The following TMCC1 variants were observed in gnomAD, a reference collection of about 807,000 sequenced individuals.
TMCC1 encodes the protein transmembrane and coiled-coil domains protein 1.
TMCC1 carries 15 observed loss-of-function variants against 52.4 expected under a neutral mutation model. The ratio of observed to expected loss-of-function variants is 0.29; its 90% CI spans 0.19 to 0.44. The LOEUF is 0.44. Ranked by LOEUF, TMCC1 falls within the 20% of genes least tolerant of loss-of-function variation. The pLI is 1.00. For missense variants in TMCC1, 503 were observed against 806.0 expected (o/e 0.62, Z 4.55); for synonymous variants, 279 against 301.9 (o/e 0.92, Z 0.79).
At chr3:129,815,292 C>CCAAAG (rs2058041243) in intron 4 of TMCC1, among the ~76,000 whole-genome samples, 2 of 152,126 alleles carry the variant, frequency 1.3e-5, no homozygotes, top group South Asian at 4.2e-4. Flanking sequence ...CACTGAATAG[C>CCAAAG]CAAAGCAATC....
intron 4 of TMCC1, among the ~76,000 whole-genome samples, chr3:129,820,278 T>G (rs1029818253): frequency 6.6e-6 from 1 of 151,692 alleles, no homozygotes; most frequent in African/African-American, 2.4e-5. Flanking sequence ...AAAATAGAGA[T>G]AGTAATACTT....
In TMCC1 at chr3:129,829,610, G is replaced by A. The variant is rs115678189; in HGVS notation, c.-130-1102C>T. On this transcript the variant is annotated intron_variant, in intron 3 of 6. Coordinates refer to ENST00000393238, the MANE Select transcript of TMCC1 (RefSeq NM_001017395.5). ...ACAGAATGCAAAATATGATGTAGGA[G>A]GTTATTTCCATATTTTTCTTTAAAT... is the stretch of plus-strand genomic sequence containing the variant. Among the ~76,000 whole-genome samples the A allele has an allele frequency of 4.1e-3, 628 of 151,442 alleles. 2 individuals carry two copies. The highest frequency in any genetic ancestry group is 6.5e-3 in the Non-Finnish European group (440 of 67,802).
intron 4 of TMCC1, among the ~76,000 whole-genome samples, chr3:129,786,687 T>A (rs747098178): frequency 6.6e-6 from 1 of 152,204 alleles, no homozygotes. Flanking sequence ...ATCTCCCCAG[T>A]TATGATGAAC....
At chr3:129,862,958 T>C (rs1028458400) in intron 2 of TMCC1, among the ~76,000 whole-genome samples, 21 of 152,312 alleles carry the variant, frequency 1.4e-4, no homozygotes, top group African/African-American at 4.8e-4. Flanking sequence ...AAGACCTTAT[T>C]TTCTATAGCT....
At chr3:129,661,313 C>G (rs780898441) in intron 5 of TMCC1, among the ~76,000 whole-genome samples, 1 of 152,164 alleles carries the variant, frequency 6.6e-6, no homozygotes, top group African/African-American at 2.4e-5. Flanking sequence ...GCAGTCCCAG[C>G]TACTCAGGAG....
intron 4 of TMCC1, among the ~76,000 whole-genome samples, chr3:129,785,939 T>TC (rs1378300429): frequency 2.3e-4 from 34 of 149,880 alleles, no homozygotes; most frequent in African/African-American, 8.1e-4. Context: ...CCCCCTTTTT[T>TC]TTTTTTTTTT....
intron 4 of TMCC1, among the ~76,000 whole-genome samples, chr3:129,792,419 C>T (rs2056538377): frequency 6.6e-6 from 1 of 151,960 alleles, no homozygotes; most frequent in African/African-American, 2.4e-5. Context: ...ATGATCTCAG[C>T]TCACTGCAGC....
rs1327718285 is a variant in TMCC1 at position 129,650,669 on chromosome 3, A to G, written c.*812T>C. ...AATAAAAAATCCTATTAGAAACCAT[A>G]AGGAAGCACTGAGAGTTTGAGTATT... On this transcript the variant is annotated 3_prime_UTR_variant, in exon 7 of 7. Transcript: ENST00000393238. The G allele has an allele frequency of 6.6e-6, 1 of 152,610 alleles. No homozygotes were observed. The highest frequency in any genetic ancestry group is 6.5e-5 in the Admixed American group (1 of 15,282). 9.5% of individuals were successfully genotyped at this position (152,610 alleles called of 1,614,324 possible). A position where few individuals can be genotyped will look rare whatever the true frequency, so the allele number is the denominator to read the frequency against.
At chr3:129,724,263 A>C (rs2049901704) in intron 4 of TMCC1, among the ~76,000 whole-genome samples, 1 of 152,240 alleles carries the variant, frequency 6.6e-6, no homozygotes, top group Non-Finnish European at 1.5e-5. Context: ...CCAGTTAAGC[A>C]ATAAGCACCC....
intron 4 of TMCC1, among the ~76,000 whole-genome samples, chr3:129,680,881 T>C (rs969121497): frequency 6.8e-5 from 10 of 147,328 alleles, no homozygotes; most frequent in Non-Finnish European, 8.9e-5. Flanking sequence ...GCCTGGGTGA[T>C]AGAGCAAGAC....
intron 4 of TMCC1, among the ~76,000 whole-genome samples, chr3:129,810,743 C>A (rs1479315551): frequency 6.6e-6 from 1 of 152,202 alleles, no homozygotes; most frequent in African/African-American, 2.4e-5. Flanking sequence ...TGTTTCAATT[C>A]ATAAGCAATC....
intron 2 of TMCC1, among the ~76,000 whole-genome samples, chr3:129,843,358 A>G (rs967626206): frequency 2.6e-5 from 4 of 152,056 alleles, no homozygotes; most frequent in Admixed American, 6.6e-5. Flanking sequence ...AAAAAAAAAG[A>G]AGGAAAAAAT....
chr3:129,839,496 T>C (rs1047514593), intron 2 of TMCC1, among the ~76,000 whole-genome samples: 3 of 152,010 alleles, frequency 2.0e-5, no homozygotes, highest in Non-Finnish European at 2.9e-5. Context: ...GGCGCATGCC[T>C]ATAGTCCCAG....
chr3:129,842,431 A>T (rs1477257578), intron 2 of TMCC1, among the ~76,000 whole-genome samples: 2 of 151,896 alleles, frequency 1.3e-5, no homozygotes, highest in Non-Finnish European at 1.5e-5. Flanking sequence ...GTGCCACTGT[A>T]TTCCAGCCTG....
At chr3:129,778,491 T>G (rs568842932) in intron 4 of TMCC1, among the ~76,000 whole-genome samples, 2 of 152,216 alleles carry the variant, frequency 1.3e-5, no homozygotes, top group Non-Finnish European at 2.9e-5. Flanking sequence ...ATAATTCCTA[T>G]AGTCCAGAAT....
At chr3:129,868,535 T>C (rs1386768495) in intron 2 of TMCC1, among the ~76,000 whole-genome samples, 2 of 152,106 alleles carry the variant, frequency 1.3e-5, no homozygotes, top group Non-Finnish European at 2.9e-5. Flanking sequence ...ACCTCCTGGG[T>C]TCAAGTGATT....
chr3:129,745,365 C>T (rs1327060181), intron 4 of TMCC1, among the ~76,000 whole-genome samples: 1 of 152,238 alleles, frequency 6.6e-6, no homozygotes, highest in Non-Finnish European at 1.5e-5. Flanking sequence ...AACAGCTTCT[C>T]AGCCACAGTG....
intron 4 of TMCC1, among the ~76,000 whole-genome samples, chr3:129,815,940 C>A (rs1002680842): frequency 1.3e-5 from 2 of 152,138 alleles, no homozygotes; most frequent in African/African-American, 4.8e-5. Flanking sequence ...TCTGAATAGT[C>A]ATTTCTCAAA....
chr3:129,738,345 C>G (rs1169946061), intron 4 of TMCC1, among the ~76,000 whole-genome samples: 1 of 151,170 alleles, frequency 6.6e-6, no homozygotes, highest in Non-Finnish European at 1.5e-5. Context: ...CTTTTCAGTT[C>G]TAACACTGTA....
Sources: allele counts gnomAD v4.1 joint callset (sites outside exome capture counted in the v4.1 genomes callset), GRCh38; gene constraint gnomAD v4.1.1; transcripts MANE v1.5; gene names NCBI Gene and HGNC (gene_info 2026-07-23, HGNC 2026-07-21).